The following AFF1 variants were observed in gnomAD, a reference collection of about 807,000 sequenced individuals.
The protein encoded by AFF1 is AF4/FMR2 family member 1.
A neutral mutation model predicts 121.7 loss-of-function variants in AFF1; 48 were observed. That is an observed-to-expected ratio of 0.39 (90% CI 0.31 to 0.50). AFF1 has a LOEUF of 0.50. Among genes scored for constraint, AFF1 ranks in the 20% least tolerant of loss-of-function variants. The pLI is 0.76. For synonymous variants in AFF1, 613 were observed against 563.0 expected (o/e 1.09, Z -1.26); for missense variants, 1,523 against 1,511.7 (o/e 1.01, Z -0.12).
intron 20 of AFF1, among the ~76,000 whole-genome samples, chr4:87,135,082 G>C (rs930873650): frequency 1.3e-5 from 2 of 152,182 alleles, no homozygotes; most frequent in Non-Finnish European, 2.9e-5. Flanking sequence ...CAAATACCGA[G>C]ATTATTTGTT....
rs1220452865 is a variant in AFF1, at chr4:87,084,313, C to T, written c.1104+149C>T. ...TAGCACTTTGGGAGGCCAAGGTGGGCGGATTGCTTGAGCTCCGGAGTTCAC... is the reference window on the plus strand; with the variant it reads ...TAGCACTTTGGGAGGCCAAGGTGGGTGGATTGCTTGAGCTCCGGAGTTCAC... On this transcript the variant is annotated intron_variant, in intron 5 of 20. Coordinates refer to ENST00000395146, the MANE Select transcript of AFF1 (RefSeq NM_001166693.3). 21 of 770,988 alleles carry T rather than the reference C, an allele frequency of 2.7e-5. No individual in the cohort carries two copies. The East Asian group carries it at 4.8e-4, about 18-fold the overall frequency. The allele number at this position is 770,988 out of a possible 1,614,324, so 47.8% of individuals were successfully genotyped here. A position where few individuals can be genotyped will look rare whatever the true frequency, so the allele number is the denominator to read the frequency against.
intron 5 of AFF1, among the ~76,000 whole-genome samples, chr4:87,089,258 T>TC (rs2149712517): frequency 6.6e-6 from 1 of 152,332 alleles, no homozygotes; most frequent in South Asian, 2.1e-4. Flanking sequence ...ACATCTTTTT[T>TC]CTGACATACC....
At chr4:87,045,048 G>T (rs1406492908) in intron 2 of AFF1, among the ~76,000 whole-genome samples, 4 of 152,140 alleles carry the variant, frequency 2.6e-5, no homozygotes, top group Non-Finnish European at 5.9e-5. Flanking sequence ...GAATTAAAGG[G>T]ATAAGATGTG....
At chr4:87,030,518 T>G (rs1157929772) in intron 2 of AFF1, among the ~76,000 whole-genome samples, 1 of 152,178 alleles carries the variant, frequency 6.6e-6, no homozygotes, top group Non-Finnish European at 1.5e-5. Flanking sequence ...CTCCCCCCTT[T>G]GCCGCTGGCA....
chr4:86,949,377 A>C (rs1477876284), intron 2 of AFF1, among the ~76,000 whole-genome samples: 1 of 150,580 alleles, frequency 6.6e-6, no homozygotes, highest in Non-Finnish European at 1.5e-5. Flanking sequence ...GGCCTCCCAA[A>C]GTGCTGGAAT....
intron 2 of AFF1, chr4:86,950,124 G>A: frequency 6.2e-7 from 1 of 1,603,294 alleles, no homozygotes; most frequent in Non-Finnish European, 8.5e-7. Flanking sequence ...GCAGGGCAGG[G>A]ATGGGACTTG....
chr4:87,052,941 G>A (rs1211088725), intron 4 of AFF1, among the ~76,000 whole-genome samples: 1 of 152,070 alleles, frequency 6.6e-6, no homozygotes, highest in East Asian at 1.9e-4. Context: ...ACTAGCTACC[G>A]AGAGGGAAAT....
chr4:86,985,181 C>CATATATATATATATA (rs1553912829), intron 2 of AFF1, among the ~76,000 whole-genome samples: 1 of 96,518 alleles, frequency 1.0e-5, no homozygotes, highest in African/African-American at 5.0e-5. Context: ...ATATGTATTA[C>CATATATATATATATA]TATATATATA....
chr4:87,094,361 A>G (rs989204247), intron 7 of AFF1, among the ~76,000 whole-genome samples: 3 of 152,172 alleles, frequency 2.0e-5, no homozygotes, highest in Non-Finnish European at 4.4e-5. Context: ...GACCCGTTTC[A>G]TGTCCCTCAG....
intron 10 of AFF1, among the ~76,000 whole-genome samples, chr4:87,106,338 G>A (rs1273111296): frequency 6.6e-6 from 1 of 152,182 alleles, no homozygotes; most frequent in Non-Finnish European, 1.5e-5. Context: ...AGCTGAAATC[G>A]TGCCACTGCA....
intron 2 of AFF1, among the ~76,000 whole-genome samples, chr4:86,975,397 C>G (rs1723233309): frequency 6.6e-6 from 1 of 152,132 alleles, no homozygotes; most frequent in African/African-American, 2.4e-5. Context: ...ACTACAGGTG[C>G]ACACCACCAC....
chr4:86,981,017 G>GTTTGT (rs1016704362), intron 2 of AFF1, among the ~76,000 whole-genome samples: 2 of 146,112 alleles, frequency 1.4e-5, no homozygotes, highest in Non-Finnish European at 3.0e-5. Context: ...TTGTTTGTTT[G>GTTTGT]TTTGTTTTGT....
At chr4:87,131,652 C>G in intron 17 of AFF1, 141 bp from the exon 18 acceptor site, 1 of 711,438 alleles carries the variant, frequency 1.4e-6, no homozygotes, top group South Asian at 1.9e-5. Context: ...TGCTCTAAAG[C>G]CTTGGGTTTT....
At chr4:87,062,521 T>A (rs1258895671) in intron 4 of AFF1, among the ~76,000 whole-genome samples, 1 of 151,514 alleles carries the variant, frequency 6.6e-6, no homozygotes, top group Non-Finnish European at 1.5e-5. Context: ...TTTTTTCAGC[T>A]GTAAAATATA....
chr4:87,061,438 C>T (rs899961645), intron 4 of AFF1, among the ~76,000 whole-genome samples: 1 of 152,230 alleles, frequency 6.6e-6, no homozygotes, highest in African/African-American at 2.4e-5. Flanking sequence ...CTCTTACTCC[C>T]TTGTTCTCCC....
intron 4 of AFF1, among the ~76,000 whole-genome samples, chr4:87,058,994 TGTC>T (rs1351640987): frequency 1.3e-5 from 2 of 152,186 alleles, no homozygotes; most frequent in African/African-American, 4.8e-5. Flanking sequence ...CCTCCCCTGT[TGTC>T]TGGGTTTTCT....
At chr4:86,974,069 C>A (rs10003332) in intron 2 of AFF1, 3 of 152,346 alleles carry the variant, frequency 2.0e-5, no homozygotes, top group South Asian at 4.1e-4. Flanking sequence ...AATGAGAACC[C>A]TGGTAATTCT....
At chr4:87,088,938 T>G (rs2149711847) in intron 5 of AFF1, among the ~76,000 whole-genome samples, 1 of 151,882 alleles carries the variant, frequency 6.6e-6, no homozygotes, top group Middle Eastern at 3.4e-3. Flanking sequence ...AGATATGGGG[T>G]TTTTCCATGT....
At chr4:87,041,265 A>C (rs554116101) in intron 2 of AFF1, among the ~76,000 whole-genome samples, 1 of 152,352 alleles carries the variant, frequency 6.6e-6, no homozygotes, top group Non-Finnish European at 1.5e-5. Context: ...AATTAAATAG[A>C]AAACTGATGT....
Sources: allele counts gnomAD v4.1 joint callset (sites outside exome capture counted in the v4.1 genomes callset), GRCh38; gene constraint gnomAD v4.1.1; transcripts MANE v1.5; gene names NCBI Gene and HGNC (gene_info 2026-07-23, HGNC 2026-07-21).